Variants in SIN3B observed in about 807,000 individuals in gnomAD.
The protein encoded by SIN3B is SIN3 transcription regulator family member B.
SIN3B carries 19 observed loss-of-function variants against 120.2 expected under a neutral mutation model. The ratio of observed to expected loss-of-function variants is 0.16; its 90% CI spans 0.11 to 0.23. The LOEUF is 0.23. Ranked by LOEUF, SIN3B falls within the 10% of genes least tolerant of loss-of-function variation. The pLI is 1.00. For synonymous variants in SIN3B, 654 were observed against 653.2 expected (o/e 1.00, Z -0.02); for missense variants, 1,073 against 1,573.0 (o/e 0.68, Z 5.38).
At chr19:16,863,456 C>G in intron 9 of SIN3B, 1 of 565,850 alleles carries the variant, frequency 1.8e-6, no homozygotes, top group Non-Finnish European at 3.1e-6. Flanking sequence ...TTTGGGTCTT[C>G]AGGGGTGGTT....
intron 16 of SIN3B, chr19:16,877,324 TG>T (rs1599619915): frequency 1.8e-6 from 1 of 557,056 alleles, no homozygotes; most frequent in African/African-American, 1.9e-5. Flanking sequence ...TCCTCAGCTG[TG>T]GCCTGGTTGT....
At chr19:16,834,362 G>T (rs992678974) in intron 3 of SIN3B, among the ~76,000 whole-genome samples, 2 of 152,208 alleles carry the variant, frequency 1.3e-5, no homozygotes, top group Non-Finnish European at 2.9e-5. Flanking sequence ...GTCCCTGCCC[G>T]TGGAGTAACT....
intron 2 of SIN3B, among the ~76,000 whole-genome samples, chr19:16,831,290 T>G (rs1026574769): frequency 4.6e-5 from 7 of 152,152 alleles, no homozygotes; most frequent in African/African-American, 1.7e-4. Context: ...CTCGAACTCT[T>G]GACCTCAGGT....
chr19:16,844,540 G>A (rs1228943292), intron 4 of SIN3B, among the ~76,000 whole-genome samples: 3 of 152,190 alleles, frequency 2.0e-5, no homozygotes, highest in African/African-American at 7.2e-5. Flanking sequence ...TGTCCTGTGT[G>A]TGCTGGGATG....
At chr19:16,877,501 C>A (rs1311889979) in intron 16 of SIN3B, 44 bp from the exon 17 acceptor site, 4 of 1,431,842 alleles carry the variant, frequency 2.8e-6, no homozygotes, top group Non-Finnish European at 3.9e-6. Context: ...TGGCCATAGC[C>A]CTGCTGTAGG....
chr19:16,839,129 G>A (rs933379286), intron 3 of SIN3B, among the ~76,000 whole-genome samples: 8 of 151,838 alleles, frequency 5.3e-5, no homozygotes, highest in African/African-American at 1.9e-4. Context: ...CACCACACCT[G>A]GCTAATTTTT....
chr19:16,838,268 A>G (rs767198179), intron 3 of SIN3B, among the ~76,000 whole-genome samples: 2 of 152,238 alleles, frequency 1.3e-5, no homozygotes, highest in African/African-American at 4.8e-5. Context: ...TATATTCACA[A>G]TACTGTACAA....
chr19:16,834,597 A>G, intron 3 of SIN3B, among the ~76,000 whole-genome samples: 1 of 152,264 alleles, frequency 6.6e-6, no homozygotes, highest in South Asian at 2.1e-4. Flanking sequence ...ATCGTGCTGC[A>G]GCCTGGGAAC....
At chr19:16,871,471 G>C (rs374751562) in intron 14 of SIN3B, 73 bp downstream of exon 14, 1 of 1,434,912 alleles carries the variant, frequency 7.0e-7, no homozygotes. Flanking sequence ...CTCCCCGCTC[G>C]GGAGGGGGCC....
intron 13 of SIN3B, among the ~76,000 whole-genome samples, chr19:16,870,638 C>T (rs1449905811): frequency 5.3e-5 from 8 of 152,086 alleles, no homozygotes; most frequent in African/African-American, 4.8e-5. Context: ...CTGCAGCCTC[C>T]GCCTCCCAGG....
At position 16,846,986 on chromosome 19, in the gene SIN3B, C is replaced by T. The variant is rs1270614718; in HGVS notation, c.599C>T (p.Thr200Met). The T allele has an allele frequency of 6.2e-7, 1 of 1,614,034 alleles. No individual in the cohort carries two copies. Among genetic ancestry groups the T allele is most frequent in the South Asian group, 1.1e-5 (1 of 91,080 alleles). Residue 200 changes from threonine to methionine, a missense_variant, in exon 5 of 19, where the codon ACG becomes ATG. By Grantham distance (81) the Thr-to-Met change is moderately conservative. Around this residue, in one of 7 missense-constraint regions of SIN3B, gnomAD observed 395 missense variants for 528.0 expected, o/e 0.75. Coordinates refer to ENST00000248054, the MANE Select transcript of SIN3B (RefSeq NM_001297595.2). The stretch of plus-strand genomic sequence containing the variant: ...AACTGGCAGAAGGAGCAGCTGAACA[C>T]GAGGGGCCGGCCATTCCGAGGCATG... ...LHTYQKEQLN[T>M]RGRPFRGMSE...
chr19:16,865,603 G>T lies in SIN3B; in HGVS notation c.1577G>T (p.Ser526Ile), dbSNP rs754934495. Residue 526 changes from serine (S) to isoleucine (I), a missense_variant, in exon 11 of 19, where the codon AGC becomes ATC. By Grantham distance (142) the Ser-to-Ile change is moderately radical. This residue lies in a region of SIN3B where 118 missense variants were observed against 281.6 expected (regional missense o/e 0.42). Coordinates refer to ENST00000248054, the MANE Select transcript of SIN3B (RefSeq NM_001297595.2). ...YGDKAPEIIE[S>I]LKKNPVTAVP... Reference sequence around the variant, plus strand: ...GACAAGGCCCCGGAGATCATCGAGAGCCTCAAGAAGAACCCTGTCACCGCT... The same window carrying T: ...GACAAGGCCCCGGAGATCATCGAGATCCTCAAGAAGAACCCTGTCACCGCT... 1.9e-6 allele frequency: 3 copies of T among 1,612,284 alleles called. No individual in the cohort carries two copies. Among genetic ancestry groups the T allele is most frequent in the East Asian group, 2.2e-5 (1 of 44,822 alleles).
At chr19:16,848,067 G>A (rs1971501415) in intron 5 of SIN3B, among the ~76,000 whole-genome samples, 1 of 152,178 alleles carries the variant, frequency 6.6e-6, no homozygotes, top group Non-Finnish European at 1.5e-5. Context: ...TATCCATGTC[G>A]TACCGTGGAT....
intron 10 of SIN3B, 59 bp from the exon 11 acceptor site, chr19:16,865,351 C>T: frequency 9.3e-7 from 1 of 1,071,386 alleles, no homozygotes; most frequent in East Asian, 3.0e-5. Context: ...TCCCAGGCTC[C>T]TCTCTGAGGC....
chr19:16,866,728 C>G (rs1020840290), intron 12 of SIN3B, among the ~76,000 whole-genome samples, 172 bp downstream of exon 12: 1 of 152,160 alleles, frequency 6.6e-6, no homozygotes, highest in Non-Finnish European at 1.5e-5. Flanking sequence ...GTGGCCTGCC[C>G]TAGGAGAACC....
intron 6 of SIN3B, among the ~76,000 whole-genome samples, chr19:16,852,580 C>CTGGA (rs1221446506): frequency 6.6e-6 from 1 of 152,226 alleles, no homozygotes. Flanking sequence ...GGAGATAGTT[C>CTGGA]TGGATGGACA....
rs1217082796 is a variant in SIN3B, at chr19:16,870,044, C to T, written c.2391C>T (p.Asp797=). 6.2e-7 allele frequency: 1 copy of T among 1,607,864 alleles called. No homozygotes were observed. Among genetic ancestry groups the T allele is most frequent in the South Asian group, 1.1e-5 (1 of 90,740 alleles). ...LCEGRREKGS[D]PAMELRLKQP... Reference sequence around the variant, plus strand: ...AGGGCCGCAGGGAGAAGGGCAGCGACCCCGCCATGGAGCTGCGGCTGAAGC... The same window carrying T: ...AGGGCCGCAGGGAGAAGGGCAGCGATCCCGCCATGGAGCTGCGGCTGAAGC... Residue 797 remains aspartate (D), a synonymous_variant, in exon 13 of 19, where the codon GAC becomes GAT. Transcript: ENST00000248054.
At chr19:16,846,901 G>T in intron 4 of SIN3B, 69 bp from the exon 5 acceptor site, 1 of 1,528,304 alleles carries the variant, frequency 6.5e-7, no homozygotes, top group Non-Finnish European at 8.9e-7. Flanking sequence ...AGGGCTGCCT[G>T]AGTGTCCCGG....
rs1039016113 is a variant in SIN3B, at chr19:16,831,540, G to A, written c.274G>A (p.Glu92Lys). ...VIRRVSQLFH[E>K]HPDLIVGFNA... ...CAGACGTGTCTCGCAGCTCTTCCAC[G>A]AGCACCCTGACCTCATTGTTGGATT... Residue 92 changes from glutamate (E) to lysine (K), a missense_variant, in exon 3 of 19, where the codon GAG becomes AAG. Transcript: ENST00000248054. 1.2e-5 allele frequency: 19 copies of A among 1,613,832 alleles called. No homozygotes were observed. Among genetic ancestry groups the A allele is most frequent in the East Asian group, 4.5e-5 (2 of 44,894 alleles).
Sources: gnomAD v4.1 joint callset for allele counts (sites outside exome capture counted in the v4.1 genomes callset) on GRCh38, gnomAD v4.1.1 for gene constraint, gnomAD v4.1.1 regional missense constraint, MANE v1.5 for transcripts, NCBI Gene and HGNC (gene_info 2026-07-23, HGNC 2026-07-21) for gene names.